The following DPY30 variants were observed in gnomAD, a reference collection of about 807,000 sequenced individuals.
DPY30 encodes dpy-30 histone methyltransferase complex regulatory subunit, also known as protein dpy-30 homolog.
DPY30 carries 6 observed loss-of-function variants against 16.2 expected under a neutral mutation model. The ratio of observed to expected loss-of-function variants is 0.37; its 90% CI spans 0.20 to 0.73. The LOEUF is 0.73. DPY30 is among the 30% of genes least tolerant of loss of function. The pLI is 0.51. For missense variants in DPY30, 73 were observed against 113.1 expected (o/e 0.65, Z 1.61); for synonymous variants, 39 against 38.8 (o/e 1.00, Z -0.02).
intron 5 of DPY30, among the ~76,000 whole-genome samples, chr2:32,016,716 C>T (rs1445983914): frequency 1.3e-5 from 2 of 152,054 alleles, no homozygotes; most frequent in African/African-American, 4.8e-5. Flanking sequence ...AACTAACCCA[C>T]CCACCAACGT....
rs552815404 is a variant in DPY30, at chr2:32,017,971, T to C, written n.377+5451A>G. Among the ~76,000 whole-genome samples the C allele has an allele frequency of 2.6e-5, 4 of 152,292 alleles. No individual in the cohort carries two copies. The South Asian group carries it at 8.3e-4, about 32-fold the overall frequency. On this transcript the variant is annotated intron_variant and non_coding_transcript_variant, in intron 5 of 5. Coordinates refer to the DPY30 transcript ENST00000414013. ...AGATCTAGCTAGTCCATGTCCACAA[T>C]GTGAAGACAAAGCTAGGAGGTGCCA...
chr2:32,036,030 C>T (rs1269811922), intron 3 of DPY30, among the ~76,000 whole-genome samples: 1 of 151,620 alleles, frequency 6.6e-6, no homozygotes, highest in East Asian at 1.9e-4. Flanking sequence ...TGTCACCCAC[C>T]CTGCAGTGCA....
chr2:32,020,504 C>T (rs150701499), downstream of DPY30, among the ~76,000 whole-genome samples: 2 of 151,942 alleles, frequency 1.3e-5, no homozygotes, highest in African/African-American at 4.8e-5. Context: ...AGAGCAAGAC[C>T]TCATCTCTAA....
chr2:32,033,013 T>C (rs1278141479), intron 3 of DPY30, among the ~76,000 whole-genome samples: 1 of 149,934 alleles, frequency 6.7e-6, no homozygotes, highest in African/African-American at 2.5e-5. Flanking sequence ...TAATAATAAC[T>C]TTTTTTTTAA....
At chr2:32,027,052 G>A (rs1049169396) in intron 4 of DPY30, among the ~76,000 whole-genome samples, 3 of 151,772 alleles carry the variant, frequency 2.0e-5, no homozygotes, top group African/African-American at 7.3e-5. Context: ...AATGAGGGCA[G>A]ACCACCTGAG....
downstream of DPY30, among the ~76,000 whole-genome samples, chr2:32,022,510 A>T (rs1038957470): frequency 4.0e-5 from 6 of 149,308 alleles, no homozygotes; most frequent in East Asian, 5.9e-4. Context: ...GTATTTATGT[A>T]TTTTTTTTTT....
chr2:32,028,789 C>A (rs931661971), intron 4 of DPY30, among the ~76,000 whole-genome samples: 1 of 151,584 alleles, frequency 6.6e-6, no homozygotes, highest in Non-Finnish European at 1.5e-5. Flanking sequence ...GACTCCAAAC[C>A]CTGTTTCTAC....
chr2:32,021,406 G>A (rs1056268652), downstream of DPY30, among the ~76,000 whole-genome samples: 12 of 152,020 alleles, frequency 7.9e-5, no homozygotes, highest in African/African-American at 2.9e-4. Context: ...GGCCGGACAC[G>A]GTGGCTAACA....
chr2:32,033,228 A>C (rs1161375273), intron 3 of DPY30, among the ~76,000 whole-genome samples: 2 of 151,966 alleles, frequency 1.3e-5, no homozygotes, highest in African/African-American at 4.8e-5. Flanking sequence ...GAATTAATTG[A>C]ACCTGGGAGA....
downstream of DPY30, among the ~76,000 whole-genome samples, chr2:32,022,331 T>A (rs1035483913): frequency 6.6e-6 from 1 of 152,122 alleles, no homozygotes; most frequent in Admixed American, 6.6e-5. Context: ...AGAATACTTA[T>A]GAAAACTACT....
intron 4 of DPY30, among the ~76,000 whole-genome samples, chr2:32,025,821 A>G (rs530823837): frequency 2.6e-4 from 38 of 147,668 alleles, no homozygotes; most frequent in Non-Finnish European, 5.2e-4. Flanking sequence ...ACAACACCGT[A>G]CTTGGGCCGG....
intron 3 of DPY30, among the ~76,000 whole-genome samples, chr2:32,031,099 T>A (rs1259496815): frequency 1.3e-5 from 2 of 152,180 alleles, no homozygotes; most frequent in African/African-American, 4.8e-5. Context: ...ATTGCCTCCA[T>A]CGCACTCACA....
chr2:32,037,692 G>T (rs984083731), intron 3 of DPY30, among the ~76,000 whole-genome samples: 2 of 151,740 alleles, frequency 1.3e-5, no homozygotes, highest in Admixed American at 1.3e-4. Flanking sequence ...TGAGTAGCTG[G>T]GATTACAGGC....
At chr2:32,020,791 C>T (rs1333869468), downstream of DPY30, 1 of 152,028 alleles carries the variant, frequency 6.6e-6, no homozygotes, top group Non-Finnish European at 1.5e-5. Flanking sequence ...TAACATGCTG[C>T]CTGGCACATA....
chr2:32,026,743 G>A (rs989178364), intron 4 of DPY30, among the ~76,000 whole-genome samples: 16 of 151,120 alleles, frequency 1.1e-4, no homozygotes, highest in East Asian at 3.9e-4. Flanking sequence ...AGCTGACATC[G>A]TGCCACTGCA....
downstream of DPY30, among the ~76,000 whole-genome samples, chr2:32,021,538 T>A (rs535127902): frequency 1.3e-5 from 2 of 151,038 alleles, no homozygotes; most frequent in African/African-American, 4.9e-5. Flanking sequence ...ATTAGCCAGG[T>A]ATGGTGGCAC....
chr2:32,033,341 C>T lies in DPY30; in HGVS notation c.85-3605G>A, dbSNP rs182025369. On this transcript the variant is annotated intron_variant, in intron 3 of 4. Transcript: ENST00000342166. Reference sequence around the variant, plus strand: ...AAAAAAAATTTTAACTTGTTAGTTACATGACATTACAATGCCTACAATAGG... The same window carrying T: ...AAAAAAAATTTTAACTTGTTAGTTATATGACATTACAATGCCTACAATAGG... 3.2e-3 allele frequency among the ~76,000 whole-genome samples: 483 copies of T among 151,790 alleles called. 3 individuals are homozygous for T. The highest frequency in any genetic ancestry group is 0.011 in the African/African-American group (450 of 41,376).
At chr2:32,039,539 G>A in intron 1 of DPY30, 47 bp from the exon 2 acceptor site, 1 of 1,594,512 alleles carries the variant, frequency 6.3e-7, no homozygotes, top group South Asian at 1.1e-5. Flanking sequence ...ATTTCAACAC[G>A]AAGACTCCAG....
At chr2:32,023,549 T>C (rs756509130), downstream of DPY30, 2 of 506,536 alleles carry the variant, frequency 3.9e-6, no homozygotes, top group African/African-American at 2.0e-5. Flanking sequence ...AAATGTACTA[T>C]GCCTGAAACT....
Sources: gnomAD v4.1 joint callset for allele counts (sites outside exome capture counted in the v4.1 genomes callset) on GRCh38, gnomAD v4.1.1 for gene constraint, MANE v1.5 for transcripts, NCBI Gene and HGNC (gene_info 2026-07-23, HGNC 2026-07-21) for gene names.